RAD51B: variants seen among roughly 807,000 people sequenced by gnomAD.
The protein encoded by RAD51B is DNA repair protein RAD51 homolog 2.
A neutral mutation model predicts 42.2 loss-of-function variants in RAD51B; 38 were observed. The observed-to-expected ratio is 0.90, with a 90% CI of 0.70 to 1.18. RAD51B has a LOEUF of 1.18. RAD51B is among the 50% of genes most tolerant of loss of function. The probability of loss-of-function intolerance (pLI) is 0.00; values close to 1 mark genes in which losing one functional copy is unlikely to be tolerated. For missense variants in RAD51B, 373 were observed against 400.7 expected, an observed-to-expected ratio of 0.93 and a Z score of 0.59; for synonymous variants, 154 against 145.2, an observed-to-expected ratio of 1.06 and a Z score of -0.43.
At chr14:68,657,923 T>A (rs1001529717) in intron 11 of RAD51B, among the ~76,000 whole-genome samples, 1 of 152,194 alleles carries the variant, frequency 6.6e-6, no homozygotes, top group Non-Finnish European at 1.5e-5. Flanking sequence ...GCTGTTTTCC[T>A]CCTAAGCTGC....
chr14:68,384,384 G>T (rs541141422), intron 8 of RAD51B, among the ~76,000 whole-genome samples: 1 of 152,276 alleles, frequency 6.6e-6, no homozygotes, highest in East Asian at 1.9e-4. Flanking sequence ...CTATGTCCTG[G>T]CTGGCCTTGT....
intron 7 of RAD51B, among the ~76,000 whole-genome samples, chr14:68,156,553 T>C (rs2078515978): frequency 6.6e-6 from 1 of 151,510 alleles, no homozygotes; most frequent in Non-Finnish European, 1.5e-5. Context: ...AGTTTGGAAT[T>C]AAGCTGTGCA....
chr14:68,355,282 G>T (rs2082877401), intron 8 of RAD51B, among the ~76,000 whole-genome samples: 1 of 152,196 alleles, frequency 6.6e-6, no homozygotes, highest in African/African-American at 2.4e-5. Context: ...TGGTAGGTTA[G>T]CTCCAATATC....
chr14:68,404,235 T>C lies in RAD51B; in HGVS notation c.854-7189T>C, dbSNP rs368083739. On this transcript the variant is annotated intron_variant, in intron 8 of 10. Coordinates refer to ENST00000471583, the MANE Select transcript of RAD51B (RefSeq NM_133510.4). Reference sequence around the variant, plus strand: ...AACCAAATTCCAGACAATGAAGTTATACTGCTTTGGCAGGTCTAAATATCA... The same window carrying C: ...AACCAAATTCCAGACAATGAAGTTACACTGCTTTGGCAGGTCTAAATATCA... 3.9e-5 allele frequency among the ~76,000 whole-genome samples: 6 copies of C among 152,354 alleles called. No individual in the cohort carries two copies. The East Asian group carries it at 7.7e-4, about 20-fold the overall frequency.
chr14:67,911,074 T>C (rs2140114221), intron 7 of RAD51B, among the ~76,000 whole-genome samples: 1 of 152,250 alleles, frequency 6.6e-6, no homozygotes, highest in Non-Finnish European at 1.5e-5. Flanking sequence ...CATCTGTGCC[T>C]CCCAAAGTTC....
rs771091760 is a variant in RAD51B at position 68,468,160 on chromosome 14, C to T, written c.958-12C>T. The T allele has an allele frequency of 6.2e-7, 1 of 1,611,996 alleles. No individual in the cohort carries two copies. Among genetic ancestry groups the T allele is most frequent in the Non-Finnish European group, 8.5e-7 (1 of 1,178,280 alleles). The stretch of plus-strand genomic sequence containing the variant: ...CTTTGACTAACCCTAGAAAAATGTG[C>T]TTTATGTGCAGATTCTTATTGCCAA... On this transcript the variant is annotated splice_polypyrimidine_tract_variant and intron_variant, in intron 9 of 10. Transcript: ENST00000471583.
chr14:68,548,201 C>G (rs967558666), intron 10 of RAD51B, among the ~76,000 whole-genome samples: 1 of 152,212 alleles, frequency 6.6e-6, no homozygotes, highest in African/African-American at 2.4e-5. Context: ...CCACCCCTTC[C>G]TCTACCTCCC....
intron 5 of RAD51B, among the ~76,000 whole-genome samples, chr14:67,881,714 A>G (rs1330325066): frequency 2.6e-5 from 4 of 152,140 alleles, no homozygotes; most frequent in Admixed American, 2.0e-4. Flanking sequence ...CAAGCTTTCT[A>G]TTGTTCAGTA....
chr14:68,655,672 G>A (rs747823746), intron 11 of RAD51B, among the ~76,000 whole-genome samples: 27 of 152,190 alleles, frequency 1.8e-4, no homozygotes, highest in African/African-American at 3.4e-4. Context: ...ACGCCCACCC[G>A]CGGGGCACTC....
At chr14:67,989,970 A>G (rs1033529783) in intron 7 of RAD51B, among the ~76,000 whole-genome samples, 3 of 148,202 alleles carry the variant, frequency 2.0e-5, no homozygotes, top group African/African-American at 7.4e-5. Flanking sequence ...TGGTAGCCAT[A>G]TACAGTGATT....
intron 7 of RAD51B, among the ~76,000 whole-genome samples, chr14:68,136,093 G>A (rs778417727): frequency 6.6e-6 from 1 of 152,146 alleles, no homozygotes; most frequent in Non-Finnish European, 1.5e-5. Flanking sequence ...TTTGTAGTCT[G>A]GCTTAAAATG....
chr14:68,663,674 G>A (rs1486024069), intron 11 of RAD51B, among the ~76,000 whole-genome samples: 1 of 152,214 alleles, frequency 6.6e-6, no homozygotes, highest in Non-Finnish European at 1.5e-5. Flanking sequence ...TTGAGTCATT[G>A]CCTAAAGACT....
chr14:68,487,854 T>G (rs1450939865), intron 10 of RAD51B, among the ~76,000 whole-genome samples: 1 of 152,176 alleles, frequency 6.6e-6, no homozygotes, highest in East Asian at 1.9e-4. Context: ...ACAATCTCAC[T>G]GGAGGTTAGC....
intron 11 of RAD51B, among the ~76,000 whole-genome samples, chr14:68,673,531 C>T (rs537627278): frequency 6.6e-6 from 1 of 151,512 alleles, no homozygotes; most frequent in African/African-American, 2.4e-5. Context: ...TACGCGCACA[C>T]ACATACACAT....
intron 8 of RAD51B, among the ~76,000 whole-genome samples, chr14:68,358,339 G>A (rs192467137): frequency 5.6e-4 from 86 of 152,322 alleles, no homozygotes; most frequent in Admixed American, 1.4e-3. Context: ...TCTGCAAAGT[G>A]CAATACAGCA....
intron 10 of RAD51B, among the ~76,000 whole-genome samples, chr14:68,564,926 A>G (rs1228311122): frequency 6.6e-6 from 1 of 152,166 alleles, no homozygotes; most frequent in African/African-American, 2.4e-5. Flanking sequence ...CCCTAGTGAC[A>G]TCCGTCATGT....
intron 8 of RAD51B, among the ~76,000 whole-genome samples, chr14:68,396,043 A>G (rs2083910376): frequency 6.6e-6 from 1 of 152,114 alleles, no homozygotes; most frequent in Non-Finnish European, 1.5e-5. Context: ...TAAAACAAGG[A>G]CGGACTCCTG....
Position 68,395,056 on chromosome 14 carries a change from C to T in RAD51B, c.854-16368C>T, listed in dbSNP as rs146087627. Reference sequence around the variant, plus strand: ...ACAGCAAGATCTGTCGGCATCCCCCCCTTTCTTCAGGCTTTGAGGGCCACA... The same window carrying T: ...ACAGCAAGATCTGTCGGCATCCCCCTCTTTCTTCAGGCTTTGAGGGCCACA... On this transcript the variant is annotated intron_variant, in intron 8 of 10. Transcript: ENST00000471583. 3.9e-5 allele frequency among the ~76,000 whole-genome samples: 6 copies of T among 152,182 alleles called. No homozygotes were observed. The East Asian group carries it at 7.7e-4, about 20-fold the overall frequency.
In RAD51B at chr14:68,149,271, G is replaced by C. The variant is rs1193500013; in HGVS notation, c.757-142613G>C. The stretch of plus-strand genomic sequence containing the variant: ...TTTAAGTGTTATATTCAAACTCATT[G>C]CCAAGCCCAAGATCACCTAGATTTT... On this transcript the variant is annotated intron_variant, in intron 7 of 10. Transcript: ENST00000471583. Among the ~76,000 whole-genome samples, 3 of 151,868 alleles carry C rather than the reference G, an allele frequency of 2.0e-5. No individual in the cohort carries two copies. In the South Asian group the frequency reaches 6.2e-4, roughly 32 times the overall value.
Sources: allele counts gnomAD v4.1 joint callset (sites outside exome capture counted in the v4.1 genomes callset), GRCh38; gene constraint gnomAD v4.1.1; transcripts MANE v1.5; gene names NCBI Gene and HGNC (gene_info 2026-07-23, HGNC 2026-07-21).